The following TRPM7 variants were observed in gnomAD, a reference collection of about 807,000 sequenced individuals.
TRPM7 encodes transient receptor potential cation channel subfamily M member 7.
A neutral mutation model predicts 229.7 loss-of-function variants in TRPM7; 134 were observed. That is an observed-to-expected ratio of 0.58 (90% confidence interval 0.51 to 0.67). The LOEUF (loss-of-function observed/expected upper bound fraction) is 0.67. TRPM7 is among the 30% of genes least tolerant of loss of function. The pLI is 0.00. For missense variants in TRPM7, 1,901 were observed against 2,210.0 expected, an observed-to-expected ratio of 0.86 and a Z score of 2.80; for synonymous variants, 699 against 715.2, an observed-to-expected ratio of 0.98 and a Z score of 0.36.
intron 12 of TRPM7, among the ~76,000 whole-genome samples, chr15:50,620,286 G>C (rs576243696): frequency 2.0e-5 from 3 of 149,764 alleles, no homozygotes; most frequent in Admixed American, 6.9e-5. Flanking sequence ...TTAAAACATA[G>C]AGTTTTTTTT....
In TRPM7 at chr15:50,658,447, A is replaced by AT. The variant is rs557559506; in HGVS notation, c.84-629dup. Among the ~76,000 whole-genome samples the AT allele has an allele frequency of 5.3e-5, 8 of 151,950 alleles. No homozygotes were observed. In the South Asian group the frequency reaches 1.7e-3, roughly 32 times the overall value. Reference sequence around the variant, plus strand: ...TAGCTAGGGGTAGTGGTGCAGGCCTATAGTCCTAGCTACTAGGGAGGCTGA... The same window carrying AT: ...TAGCTAGGGGTAGTGGTGCAGGCCTATTAGTCCTAGCTACTAGGGAGGCTGA... On this transcript the variant is annotated intron_variant, in intron 2 of 38. Coordinates refer to ENST00000646667, the MANE Select transcript of TRPM7 (RefSeq NM_017672.6).
At chr15:50,572,865 A>G (rs1000230665) in intron 36 of TRPM7, among the ~76,000 whole-genome samples, 2 of 152,190 alleles carry the variant, frequency 1.3e-5, no homozygotes, top group African/African-American at 4.8e-5. Context: ...ATTCTAAACA[A>G]TTGTTCTCAT....
chr15:50,619,732 A>G lies in TRPM7; in HGVS notation c.1494+13T>C, dbSNP rs755716119. On this transcript the variant is annotated intron_variant, in intron 13 of 38. Coordinates refer to ENST00000646667, the MANE Select transcript of TRPM7 (RefSeq NM_017672.6). ...AAAATAACATTTTTCAAAAGCAAAAAATAATCTCTTACCTGTTTGACGTCT... is the reference window on the plus strand; with the variant it reads ...AAAATAACATTTTTCAAAAGCAAAAGATAATCTCTTACCTGTTTGACGTCT... 9.0e-6 allele frequency: 14 copies of G among 1,558,664 alleles called. No individual in the cohort carries two copies. The South Asian group carries it at 1.5e-4, about 17-fold the overall frequency.
At position 50,574,393 on chromosome 15, in the gene TRPM7, T is replaced by C. The variant is rs1354144206; in HGVS notation, c.5189A>G (p.Tyr1730Cys). 1.2e-6 allele frequency: 2 copies of C among 1,614,008 alleles called. No individual in the cohort carries two copies. Among genetic ancestry groups the C allele is most frequent in the Non-Finnish European group, 1.7e-6 (2 of 1,179,958 alleles). Reference protein sequence around the residue: ...EECMTGEFRKYNNNNGDEIIP... With the variant: ...EECMTGEFRKCNNNNGDEIIP... ...AATCTCATCTCCATTATTATTGTTG[T>C]ATTTTCTAAATTCTCCAGTCATACA... The change falls in exon 36 of 39, where the codon TAC becomes TGC. Residue 1730 changes from tyrosine (Y) to cysteine (C), a missense_variant. By Grantham distance (194) the Tyr-to-Cys change is radical (BLOSUM62 -2). This residue lies in a region of TRPM7 where 257 missense variants were observed against 352.0 expected (regional missense o/e 0.73). Coordinates refer to ENST00000646667, the MANE Select transcript of TRPM7 (RefSeq NM_017672.6).
chr15:50,684,156 G>C (rs543807238), intron 1 of TRPM7, among the ~76,000 whole-genome samples: 1 of 142,820 alleles, frequency 7.0e-6, no homozygotes, highest in African/African-American at 2.6e-5. Flanking sequence ...TGATTAAGTC[G>C]TTTTTTTTTT....
chr15:50,665,128 G>A (rs1251301935), intron 1 of TRPM7, among the ~76,000 whole-genome samples: 2 of 152,038 alleles, frequency 1.3e-5, no homozygotes, highest in East Asian at 3.9e-4. Context: ...CATGGGTCAG[G>A]CCCAGTGGCT....
At chr15:50,606,336 G>A (rs527692564) in intron 20 of TRPM7, among the ~76,000 whole-genome samples, 2 of 152,038 alleles carry the variant, frequency 1.3e-5, no homozygotes, top group South Asian at 4.2e-4. Flanking sequence ...CTGAGATTGT[G>A]CCACTGCACT....
At chr15:50,679,474 TTA>T (rs35739823) in intron 1 of TRPM7, among the ~76,000 whole-genome samples, 66,658 of 120,672 alleles carry the variant, frequency 0.55, 19,319 homozygotes, top group Admixed American at 0.61. Flanking sequence ...TTTATTTCAT[TTA>T]TATATATATA....
chr15:50,598,712 T>C (rs951791785), intron 22 of TRPM7, among the ~76,000 whole-genome samples: 2 of 152,182 alleles, frequency 1.3e-5, no homozygotes, highest in Non-Finnish European at 2.9e-5. Flanking sequence ...AAGAGAACCA[T>C]CGATAAACAG....
chr15:50,623,495 C>A (rs1004698353), intron 12 of TRPM7, among the ~76,000 whole-genome samples: 1 of 148,286 alleles, frequency 6.7e-6, no homozygotes, highest in Non-Finnish European at 1.5e-5. Context: ...CCGCCCCCTC[C>A]CCGCCCCGCC....
At chr15:50,670,240 G>T (rs2061959680) in intron 1 of TRPM7, among the ~76,000 whole-genome samples, 1 of 152,076 alleles carries the variant, frequency 6.6e-6, no homozygotes, top group African/African-American at 2.4e-5. Flanking sequence ...TATAAAAGAA[G>T]GGGGGAAACG....
intron 6 of TRPM7, among the ~76,000 whole-genome samples, 191 bp downstream of exon 6, chr15:50,639,229 CTTAA>C (rs1478779627): frequency 1.3e-5 from 2 of 152,098 alleles, no homozygotes; most frequent in Non-Finnish European, 2.9e-5. Context: ...TATTTATGAA[CTTAA>C]TTATTTATAG....
At chr15:50,562,362 G>A (rs1447877341) in intron 38 of TRPM7, among the ~76,000 whole-genome samples, 2 of 152,112 alleles carry the variant, frequency 1.3e-5, no homozygotes, top group Non-Finnish European at 2.9e-5. Flanking sequence ...TCATGTAGGC[G>A]TGGGAATGTA....
chr15:50,589,725 T>A (rs2140348040), intron 26 of TRPM7, 69 bp from the exon 27 acceptor site: 3 of 996,680 alleles, frequency 3.0e-6, no homozygotes, highest in East Asian at 4.9e-5. Flanking sequence ...TGGCACTGCT[T>A]AAAGTTTATA....
At chr15:50,608,052 CAA>C (rs570861548) in intron 19 of TRPM7, among the ~76,000 whole-genome samples, 8 of 76,264 alleles carry the variant, frequency 1.0e-4, no homozygotes, top group South Asian at 5.0e-4. Context: ...GAGACTCTGT[CAA>C]AAAAAAAAAA....
At chr15:50,678,517 A>AAAAAT (rs1234712751) in intron 1 of TRPM7, among the ~76,000 whole-genome samples, 124 of 132,704 alleles carry the variant, frequency 9.3e-4, no homozygotes, top group African/African-American at 3.3e-3. Flanking sequence ...AAAAAAAAAA[A>AAAAAT]ATATATATAT....
chr15:50,648,998 T>C, intron 3 of TRPM7, 113 bp from the exon 4 acceptor site: 1 of 696,892 alleles, frequency 1.4e-6, no homozygotes, highest in Admixed American at 3.6e-5. Flanking sequence ...TTATATTTTA[T>C]ATAAGTATAA....
intron 11 of TRPM7, among the ~76,000 whole-genome samples, chr15:50,626,423 TA>T (rs1287783027): frequency 6.6e-6 from 1 of 151,868 alleles, no homozygotes; most frequent in Non-Finnish European, 1.5e-5. Context: ...GGGACCATTT[TA>T]AAAAAAAGTG....
Position 50,686,750 on chromosome 15 carries a change from C to T in TRPM7, c.-217G>A, listed in dbSNP as rs1040077293. ...CGACCAACTCCTCCGGGTGACTGGC[C>T]ACAGGGACGCGCCCGCGCCCGCCTC... On this transcript the variant is annotated 5_prime_UTR_variant, in exon 1 of 39. Coordinates refer to ENST00000646667, the MANE Select transcript of TRPM7 (RefSeq NM_017672.6). The T allele has an allele frequency of 7.7e-5, 42 of 544,438 alleles. No individual in the cohort carries two copies. Among genetic ancestry groups the T allele is most frequent in the African/African-American group, 7.0e-4 (35 of 49,974 alleles). 33.7% of individuals were successfully genotyped at this position (544,438 alleles called of 1,614,324 possible). A position where few individuals can be genotyped will look rare whatever the true frequency, so the allele number is the denominator to read the frequency against.
Sources: allele counts gnomAD v4.1 joint callset (sites outside exome capture counted in the v4.1 genomes callset), GRCh38; gene constraint gnomAD v4.1.1; regional missense constraint gnomAD v4.1.1; transcripts MANE v1.5; gene names NCBI Gene and HGNC (gene_info 2026-07-23, HGNC 2026-07-21).